SMARCC1: variants seen among roughly 807,000 people sequenced by gnomAD.
SMARCC1 encodes SWI/SNF related BAF chromatin remodeling complex subunit C1, also known as SWI/SNF complex subunit SMARCC1.
In SMARCC1, 43 loss-of-function variants were observed where a neutral mutation model predicts 147.4. That is an observed-to-expected ratio of 0.29 (90% CI 0.23 to 0.38). The LOEUF (loss-of-function observed/expected upper bound fraction) is 0.38. Ranked by LOEUF, SMARCC1 falls within the 10% of genes least tolerant of loss-of-function variation. The pLI, the probability that SMARCC1 is intolerant of heterozygous loss-of-function variation, is 1.00. For missense variants in SMARCC1, 1,119 were observed against 1,381.1 expected, an observed-to-expected ratio of 0.81 and a Z score of 3.01; for synonymous variants, 495 against 484.4, an observed-to-expected ratio of 1.02 and a Z score of -0.29.
chr3:47,660,444 T>TAA (rs71070206), intron 21 of SMARCC1, among the ~76,000 whole-genome samples: 136 of 67,228 alleles, frequency 2.0e-3, no homozygotes, highest in African/African-American at 2.9e-3. Flanking sequence ...AGACTCTGTC[T>TAA]AAAAAAAAAA....
In SMARCC1 at chr3:47,590,806, G is replaced by C; in HGVS notation, c.3075C>G (p.Pro1025=). 1.2e-6 allele frequency: 2 copies of C among 1,601,754 alleles called. No homozygotes were observed. Among genetic ancestry groups the C allele is most frequent in the Non-Finnish European group, 1.7e-6 (2 of 1,175,160 alleles). Reference sequence around the variant, plus strand: ...TCATGCGGCCTGGCATGTGCTGCCCGGGCATCATGGAACCTGGGCCTGGTA... The same window carrying C: ...TCATGCGGCCTGGCATGTGCTGCCCCGGCATCATGGAACCTGGGCCTGGTA... ...GQIPGPGSMM[P]GQHMPGRMIP... is the part of the protein sequence containing the mutation. The change falls in exon 27 of 28, where the codon CCC becomes CCG. Residue 1025 remains proline, a synonymous_variant. Transcript: ENST00000254480.
Position 47,706,444 on chromosome 3 carries a change from T to C in SMARCC1, c.1005A>G (p.Thr335=), listed in dbSNP as rs958815805. Residue 335 remains threonine, a synonymous_variant, in exon 10 of 28, where the codon ACA becomes ACG. Coordinates refer to ENST00000254480, the MANE Select transcript of SMARCC1 (RefSeq NM_003074.4). ...RKHSPSPPPP[T]PTESRKKSGK... ...CACTCTTCTTCCGTGATTCTGTTGG[T>C]GTCGGAGGGGGAGGCGAAGGCGAAT... 7.3e-5 allele frequency: 116 copies of C among 1,580,184 alleles called. 1 individual carries two copies. The highest frequency in any genetic ancestry group is 1.2e-4 in the African/African-American group (9 of 72,410).
chr3:47,592,133 T>C (rs1316958123), intron 26 of SMARCC1, among the ~76,000 whole-genome samples: 2 of 152,240 alleles, frequency 1.3e-5, no homozygotes, highest in South Asian at 4.1e-4. Context: ...GAAAGCAGTA[T>C]TGAACACTGA....
At chr3:47,590,963 A>C in intron 26 of SMARCC1, 126 bp from the exon 27 acceptor site, 1 of 776,386 alleles carries the variant, frequency 1.3e-6, no homozygotes, top group Non-Finnish European at 2.0e-6. Flanking sequence ...CAACAGAGCA[A>C]TAATCTGTAA....
In SMARCC1 at chr3:47,617,498, G is replaced by C. The variant is rs138511091; in HGVS notation, c.2781+4709C>G. On this transcript the variant is annotated intron_variant, in intron 25 of 27. Coordinates refer to ENST00000254480, the MANE Select transcript of SMARCC1 (RefSeq NM_003074.4). ...TTTTGTACATATTTGTTGATTACTGGTTTGCATAACGGGAGGCATATATTT... is the reference window on the plus strand; with the variant it reads ...TTTTGTACATATTTGTTGATTACTGCTTTGCATAACGGGAGGCATATATTT... Among the ~76,000 whole-genome samples the C allele has an allele frequency of 2.9e-3, 437 of 152,342 alleles. 2 individuals carry two copies. The highest frequency in any genetic ancestry group is 4.6e-3 in the Admixed American group (70 of 15,304).
chr3:47,729,894 T>C (rs766752769), intron 5 of SMARCC1, among the ~76,000 whole-genome samples: 5 of 152,186 alleles, frequency 3.3e-5, no homozygotes, highest in African/African-American at 4.8e-5. Flanking sequence ...ATATAAAAGT[T>C]ACATTTATGG....
chr3:47,723,708 G>A (rs1046987331), intron 6 of SMARCC1, among the ~76,000 whole-genome samples: 2 of 152,078 alleles, frequency 1.3e-5, no homozygotes, highest in African/African-American at 4.8e-5. Flanking sequence ...AGCTACTTGA[G>A]TGGCTGAGGC....
At chr3:47,716,791 G>A (rs2034161425) in intron 7 of SMARCC1, among the ~76,000 whole-genome samples, 1 of 152,170 alleles carries the variant, frequency 6.6e-6, no homozygotes, top group African/African-American at 2.4e-5. Flanking sequence ...TAGACTGGGA[G>A]TGCTTTACAG....
intron 2 of SMARCC1, among the ~76,000 whole-genome samples, chr3:47,748,460 G>C (rs909418610): frequency 6.6e-6 from 1 of 152,142 alleles, no homozygotes; most frequent in Non-Finnish European, 1.5e-5. Flanking sequence ...TTGATCTCAA[G>C]TGATCCGCCC....
chr3:47,768,131 C>T (rs2034863275), intron 2 of SMARCC1, among the ~76,000 whole-genome samples: 1 of 152,026 alleles, frequency 6.6e-6, no homozygotes, highest in Non-Finnish European at 1.5e-5. Flanking sequence ...TGAGCCATGC[C>T]CAGCATAAAC....
chr3:47,771,778 C>T (rs1202751366), intron 2 of SMARCC1, among the ~76,000 whole-genome samples: 2 of 151,550 alleles, frequency 1.3e-5, no homozygotes, highest in Non-Finnish European at 2.9e-5. Context: ...CATAACATAA[C>T]ATATCATAAC....
intron 24 of SMARCC1, among the ~76,000 whole-genome samples, chr3:47,630,160 GC>G (rs1398030778): frequency 2.2e-5 from 3 of 134,384 alleles, no homozygotes; most frequent in Admixed American, 1.5e-4. Flanking sequence ...TTTCCACGGG[GC>G]CTGGGGCAGG....
At chr3:47,630,899 C>CA (rs780645125) in intron 24 of SMARCC1, among the ~76,000 whole-genome samples, 174 of 152,112 alleles carry the variant, frequency 1.1e-3, no homozygotes, top group Admixed American at 2.6e-3. Context: ...CCCGTCTCTA[C>CA]AAAAAATTTT....
At chr3:47,656,441 C>A (rs1301364642) in intron 21 of SMARCC1, among the ~76,000 whole-genome samples, 2 of 152,134 alleles carry the variant, frequency 1.3e-5, no homozygotes, top group Non-Finnish European at 2.9e-5. Flanking sequence ...TAATTCAGAG[C>A]TAACCAGCAA....
chr3:47,672,457 C>T (rs1222454289), intron 18 of SMARCC1, among the ~76,000 whole-genome samples: 2 of 152,096 alleles, frequency 1.3e-5, no homozygotes, highest in Admixed American at 6.5e-5. Context: ...CCGCATGCCT[C>T]GGCCTCCCAA....
At chr3:47,610,781 G>A (rs1157180166) in intron 25 of SMARCC1, 1 of 186,136 alleles carries the variant, frequency 5.4e-6, no homozygotes, top group Non-Finnish European at 1.2e-5. Context: ...TTTTGGATGT[G>A]ATACTCTCAT....
At chr3:47,743,588 C>A (rs1045062352) in intron 3 of SMARCC1, among the ~76,000 whole-genome samples, 1 of 151,772 alleles carries the variant, frequency 6.6e-6, no homozygotes, top group Admixed American at 6.6e-5. Context: ...CCGAGTCTGG[C>A]GGGTCACCTG....
At chr3:47,734,429 G>C (rs2034416264) in intron 5 of SMARCC1, among the ~76,000 whole-genome samples, 2 of 152,052 alleles carry the variant, frequency 1.3e-5, no homozygotes, top group Non-Finnish European at 2.9e-5. Context: ...TTAACTTTCA[G>C]AACATGCAAG....
intron 12 of SMARCC1, 64 bp downstream of exon 12, chr3:47,693,177 A>G: frequency 1.1e-6 from 1 of 943,624 alleles, no homozygotes; most frequent in East Asian, 2.4e-5. Flanking sequence ...AGAATAGACT[A>G]TCAAAGGAGA....
Sources: gnomAD v4.1 joint callset for allele counts (sites outside exome capture counted in the v4.1 genomes callset) on GRCh38, gnomAD v4.1.1 for gene constraint, MANE v1.5 for transcripts, NCBI Gene and HGNC (gene_info 2026-07-23, HGNC 2026-07-21) for gene names.